SEL1L2: variants seen among roughly 807,000 people sequenced by gnomAD.
The protein encoded by SEL1L2 is protein sel-1 homolog 2.
In SEL1L2, 89 loss-of-function variants were observed where a neutral mutation model predicts 98.8. That is an observed-to-expected ratio of 0.90 (90% CI 0.76 to 1.07). SEL1L2 has a LOEUF of 1.07. Ranked by LOEUF, SEL1L2 falls within the 50% of genes least tolerant of loss-of-function variation. The pLI is 0.00. For synonymous variants in SEL1L2, 262 were observed against 278.5 expected (o/e 0.94, Z 0.59); for missense variants, 788 against 812.0 (o/e 0.97, Z 0.36).
intron 5 of SEL1L2, among the ~76,000 whole-genome samples, chr20:13,910,839 G>A (rs1251906698): frequency 1.3e-5 from 2 of 152,214 alleles, no homozygotes; most frequent in African/African-American, 4.8e-5. Context: ...CTAGCTAGAT[G>A]TAACTGGCTA....
intron 5 of SEL1L2, among the ~76,000 whole-genome samples, chr20:13,908,822 A>G (rs2048092069): frequency 6.6e-6 from 1 of 152,178 alleles, no homozygotes; most frequent in African/African-American, 2.4e-5. Context: ...GAATTTTTGC[A>G]AGGTAAACCA....
At chr20:13,992,677 C>T (rs954560438), upstream of SEL1L2, among the ~76,000 whole-genome samples, 1 of 152,166 alleles carries the variant, frequency 6.6e-6, no homozygotes, top group African/African-American at 2.4e-5. Flanking sequence ...ACTGTATTAG[C>T]CTGTATGCAA....
intron 5 of SEL1L2, among the ~76,000 whole-genome samples, chr20:13,911,599 A>G (rs1465383107): frequency 6.6e-6 from 1 of 152,212 alleles, no homozygotes; most frequent in Admixed American, 6.5e-5. Flanking sequence ...ATTTCAAGAA[A>G]GAGTTCCTGA....
chr20:13,953,498 G>GTAC (rs2050373105), intron 2 of SEL1L2, among the ~76,000 whole-genome samples: 1 of 152,142 alleles, frequency 6.6e-6, no homozygotes, highest in African/African-American at 2.4e-5. Context: ...GCAGTTAGAT[G>GTAC]TACTTCTGCA....
Position 13,931,320 on chromosome 20 carries a change from G to T in SEL1L2, c.283+283C>A, listed in dbSNP as rs183828489. Reference sequence around the variant, plus strand: ...GCTGGGATTACAGGCGTGAGCCACCGCGCCTGGCCTGACAGGAGTATCTTT... The same window carrying T: ...GCTGGGATTACAGGCGTGAGCCACCTCGCCTGGCCTGACAGGAGTATCTTT... On this transcript the variant is annotated intron_variant, in intron 3 of 19. Coordinates refer to ENST00000284951, the MANE Select transcript of SEL1L2 (RefSeq NM_025229.2). Among the ~76,000 whole-genome samples the T allele has an allele frequency of 1.1e-4, 16 of 152,096 alleles. No homozygotes were observed. In the East Asian group the frequency reaches 3.1e-3, roughly 30 times the overall value.
intron 3 of SEL1L2, among the ~76,000 whole-genome samples, chr20:13,927,344 T>C (rs965225845): frequency 6.6e-6 from 1 of 152,218 alleles, no homozygotes; most frequent in Non-Finnish European, 1.5e-5. Context: ...ATTCCAACTA[T>C]GCGACAGATA....
chr20:13,934,775 GT>G (rs1033332055), intron 2 of SEL1L2, among the ~76,000 whole-genome samples: 1 of 149,932 alleles, frequency 6.7e-6, no homozygotes, highest in Non-Finnish European at 1.5e-5. Context: ...GCCAACATCT[GT>G]TTTTTTTTAT....
intron 10 of SEL1L2, among the ~76,000 whole-genome samples, chr20:13,879,855 T>A (rs979754743): frequency 1.3e-5 from 2 of 152,196 alleles, no homozygotes; most frequent in Non-Finnish European, 2.9e-5. Flanking sequence ...ATCTCTCTAC[T>A]GAGCCATGAC....
intron 1 of SEL1L2, among the ~76,000 whole-genome samples, chr20:13,979,234 G>T (rs1036321208): frequency 1.3e-5 from 2 of 152,186 alleles, no homozygotes; most frequent in Non-Finnish European, 2.9e-5. Context: ...GAGTAGAATT[G>T]TGGTTATTAG....
chr20:13,903,364 T>C (rs6042425), intron 5 of SEL1L2, among the ~76,000 whole-genome samples: 38,364 of 152,032 alleles, frequency 0.25, 5,069 homozygotes, highest in Non-Finnish European at 0.28. Flanking sequence ...GAGTCATTTT[T>C]TGTCAGAGCA....
At chr20:13,923,994 G>A (rs79527405) in intron 3 of SEL1L2, among the ~76,000 whole-genome samples, 2,165 of 152,162 alleles carry the variant, frequency 0.014, 52 homozygotes, top group African/African-American at 0.049. Context: ...AGATTATGTT[G>A]ATGGATACAT....
intron 16 of SEL1L2, 25 bp from the exon 17 acceptor site, chr20:13,865,266 G>A (rs1247736335): frequency 3.7e-6 from 6 of 1,611,094 alleles, no homozygotes; most frequent in Non-Finnish European, 4.2e-6. Flanking sequence ...CATTCCATTA[G>A]GAAGGCTTAA....
At chr20:13,884,016 G>A (rs2046831002) in intron 10 of SEL1L2, among the ~76,000 whole-genome samples, 1 of 152,158 alleles carries the variant, frequency 6.6e-6, no homozygotes, top group South Asian at 2.1e-4. Context: ...CTGTCTTGGG[G>A]TGCGTATGCT....
intron 12 of SEL1L2, among the ~76,000 whole-genome samples, chr20:13,870,922 CAAA>C (rs534578783): frequency 7.5e-5 from 4 of 53,176 alleles, no homozygotes; most frequent in Middle Eastern, 8.6e-3. Context: ...AACTCCATCT[CAAA>C]AAAAAAAAAA....
At chr20:13,865,022 C>A in intron 17 of SEL1L2, 145 bp downstream of exon 17, 4 of 625,300 alleles carry the variant, frequency 6.4e-6, no homozygotes, top group Non-Finnish European at 1.1e-5. Context: ...AAAGACTGAC[C>A]CTAACATCAG....
At chr20:13,885,186 G>C (rs986230705) in intron 10 of SEL1L2, among the ~76,000 whole-genome samples, 161 bp downstream of exon 10, 3 of 152,138 alleles carry the variant, frequency 2.0e-5, no homozygotes, top group African/African-American at 7.2e-5. Flanking sequence ...GGAGAACTTA[G>C]TTCTTCCTAA....
At chr20:13,877,621 C>CACAAAATAAATCCT in intron 10 of SEL1L2, 33 bp from the exon 11 acceptor site, 1 of 1,548,754 alleles carries the variant, frequency 6.5e-7, no homozygotes, top group Non-Finnish European at 8.9e-7. Flanking sequence ...TATTGCTAGT[C>CACAAAATAAATCCT]ACAAAATAAA....
intron 5 of SEL1L2, among the ~76,000 whole-genome samples, chr20:13,908,443 A>C (rs2048073830): frequency 6.6e-6 from 1 of 152,172 alleles, no homozygotes; most frequent in Non-Finnish European, 1.5e-5. Context: ...TCTTAAAGCA[A>C]ATGAGATTTC....
chr20:13,893,771 AT>A (rs1248177566), intron 5 of SEL1L2, among the ~76,000 whole-genome samples: 5 of 152,220 alleles, frequency 3.3e-5, no homozygotes, highest in Non-Finnish European at 7.3e-5. Context: ...GATAGATCAT[AT>A]TTTGGGACAG....
Sources: allele counts gnomAD v4.1 joint callset (sites outside exome capture counted in the v4.1 genomes callset), GRCh38; gene constraint gnomAD v4.1.1; transcripts MANE v1.5; gene names NCBI Gene and HGNC (gene_info 2026-07-23, HGNC 2026-07-21).